ARHGAP15: variants seen among roughly 807,000 people sequenced by gnomAD.
The protein encoded by ARHGAP15 is rho GTPase-activating protein 15.
ARHGAP15 carries 51 observed loss-of-function variants against 63.7 expected under a neutral mutation model. The observed-to-expected ratio is 0.80, with a 90% CI of 0.64 to 1.01. ARHGAP15 has a LOEUF of 1.01. Among genes scored for constraint, ARHGAP15 ranks in the 50% least tolerant of loss-of-function variants. The probability of loss-of-function intolerance (pLI) is 0.00; values close to 1 mark genes in which losing one functional copy is unlikely to be tolerated. For synonymous variants in ARHGAP15, 191 were observed against 193.8 expected (o/e 0.99, Z 0.12); for missense variants, 560 against 564.6 (o/e 0.99, Z 0.08).
At chr2:143,638,669 T>TAAAA (rs1680457029) in intron 12 of ARHGAP15, among the ~76,000 whole-genome samples, 1 of 70,262 alleles carries the variant, frequency 1.4e-5, no homozygotes, top group Non-Finnish European at 3.0e-5. Flanking sequence ...AATAAATAAA[T>TAAAA]AAAAGAAAAA....
At chr2:143,468,589 A>C (rs1691353286) in intron 8 of ARHGAP15, among the ~76,000 whole-genome samples, 2 of 151,900 alleles carry the variant, frequency 1.3e-5, no homozygotes, top group Non-Finnish European at 2.9e-5. Flanking sequence ...AGATTATAGC[A>C]CAATATAACT....
At chr2:143,453,805 A>G (rs1009351851) in intron 8 of ARHGAP15, among the ~76,000 whole-genome samples, 2 of 151,922 alleles carry the variant, frequency 1.3e-5, no homozygotes, top group African/African-American at 4.8e-5. Flanking sequence ...ATCGGAAAAA[A>G]AAAAAAAGAT....
intron 11 of ARHGAP15, chr2:143,608,291 G>A (rs1285424982): frequency 6.6e-6 from 1 of 152,168 alleles, no homozygotes; most frequent in East Asian, 1.9e-4. Context: ...GTACTTGGTG[G>A]GGGACTGGGA....
chr2:143,187,452 G>A (rs777789478), intron 2 of ARHGAP15, among the ~76,000 whole-genome samples: 56 of 152,170 alleles, frequency 3.7e-4, no homozygotes, highest in Non-Finnish European at 6.3e-4. Flanking sequence ...GGGTTCCTTC[G>A]ATGATAATAC....
intron 8 of ARHGAP15, 160 bp downstream of exon 8, chr2:143,437,202 G>A: frequency 1.4e-6 from 1 of 731,854 alleles, no homozygotes; most frequent in Middle Eastern, 4.1e-4. Flanking sequence ...GGCAGTCTGG[G>A]CACTTTGCTC....
At chr2:143,542,658 T>TGA (rs1559040200) in intron 10 of ARHGAP15, among the ~76,000 whole-genome samples, 3 of 130,114 alleles carry the variant, frequency 2.3e-5, no homozygotes, top group East Asian at 3.9e-4. Context: ...ATGATATATA[T>TGA]TATATATATG....
chr2:143,747,041 G>T (rs907597992), intron 13 of ARHGAP15, among the ~76,000 whole-genome samples: 2 of 151,824 alleles, frequency 1.3e-5, no homozygotes, highest in Non-Finnish European at 2.9e-5. Context: ...CCAGATTTAG[G>T]TTTAAAAAAC....
intron 13 of ARHGAP15, among the ~76,000 whole-genome samples, chr2:143,718,883 G>A (rs1684925654): frequency 1.3e-5 from 2 of 152,178 alleles, no homozygotes; most frequent in South Asian, 2.1e-4. Flanking sequence ...CTAGGATCTG[G>A]AAGCTTCCCT....
At chr2:143,550,948 C>T (rs529982528) in intron 10 of ARHGAP15, among the ~76,000 whole-genome samples, 91 of 152,112 alleles carry the variant, frequency 6.0e-4, no homozygotes, top group Non-Finnish European at 1.1e-3. Context: ...CTTTGTTTTC[C>T]ATAGCTCAGA....
At position 143,748,937 on chromosome 2, in the gene ARHGAP15, A is replaced by G. The variant is rs573264484; in HGVS notation, c.1245-19052A>G. Among the ~76,000 whole-genome samples the G allele has an allele frequency of 5.9e-5, 9 of 152,260 alleles. No homozygotes were observed. The East Asian group carries it at 1.7e-3, about 29-fold the overall frequency. On this transcript the variant is annotated intron_variant, in intron 13 of 13. Transcript: ENST00000295095. Reference sequence around the variant, plus strand: ...ATGATTTCCCCCAAAACATCTTGTCACTAAGGCAAAGTATATCATAGAATA... The same window carrying G: ...ATGATTTCCCCCAAAACATCTTGTCGCTAAGGCAAAGTATATCATAGAATA...
At chr2:143,371,649 T>C (rs556867468) in intron 6 of ARHGAP15, among the ~76,000 whole-genome samples, 1 of 152,334 alleles carries the variant, frequency 6.6e-6, no homozygotes, top group Admixed American at 6.5e-5. Flanking sequence ...CTTTTTTCTT[T>C]TTCGAGGCTA....
chr2:143,539,671 T>C (rs1446032368), intron 10 of ARHGAP15, among the ~76,000 whole-genome samples: 1 of 152,208 alleles, frequency 6.6e-6, no homozygotes, highest in Non-Finnish European at 1.5e-5. Flanking sequence ...TTGTTCAGTT[T>C]CCATGTAGTT....
At chr2:143,711,834 C>T (rs1193409234) in intron 13 of ARHGAP15, among the ~76,000 whole-genome samples, 1 of 152,114 alleles carries the variant, frequency 6.6e-6, no homozygotes, top group South Asian at 2.1e-4. Flanking sequence ...GTGGCTGAGA[C>T]AGGAAGATCA....
chr2:143,300,126 A>C (rs375716113), intron 6 of ARHGAP15, among the ~76,000 whole-genome samples: 2 of 152,038 alleles, frequency 1.3e-5, no homozygotes, highest in African/African-American at 4.8e-5. Context: ...AAAGGGGCAT[A>C]AAGTCTGGGA....
chr2:143,377,777 TC>T (rs1686881392), intron 6 of ARHGAP15, among the ~76,000 whole-genome samples: 1 of 152,128 alleles, frequency 6.6e-6, no homozygotes, highest in Non-Finnish European at 1.5e-5. Flanking sequence ...ACTTTTTTGT[TC>T]CTGATTGAGT....
intron 6 of ARHGAP15, among the ~76,000 whole-genome samples, chr2:143,373,925 T>A (rs990581527): frequency 2.0e-5 from 3 of 152,140 alleles, no homozygotes; most frequent in African/African-American, 7.2e-5. Flanking sequence ...AAATCCCAAA[T>A]ACATGAAACA....
rs192526255 is a variant in ARHGAP15, at chr2:143,204,010, G to A, written c.234+1808G>A. 2.0e-5 allele frequency among the ~76,000 whole-genome samples: 3 copies of A among 152,164 alleles called. No homozygotes were observed. The East Asian group carries it at 5.8e-4, about 29-fold the overall frequency. On this transcript the variant is annotated intron_variant, in intron 3 of 13. Transcript: ENST00000295095. ...TTCACAAGTCTTCTCCATTTCACAAGATGGAGAAGCACCTCCAGGTGCTTC... is the reference window on the plus strand; with the variant it reads ...TTCACAAGTCTTCTCCATTTCACAAAATGGAGAAGCACCTCCAGGTGCTTC...
intron 6 of ARHGAP15, among the ~76,000 whole-genome samples, chr2:143,426,182 A>G (rs1689130610): frequency 6.6e-6 from 1 of 152,140 alleles, no homozygotes; most frequent in Non-Finnish European, 1.5e-5. Context: ...ATAGTTATAA[A>G]TCACACTTCT....
At chr2:143,429,773 C>T (rs1689301517) in intron 6 of ARHGAP15, among the ~76,000 whole-genome samples, 1 of 152,118 alleles carries the variant, frequency 6.6e-6, no homozygotes, top group African/African-American at 2.4e-5. Flanking sequence ...GTAATTATAA[C>T]ATAAGGTTCA....
Sources: allele counts gnomAD v4.1 joint callset (sites outside exome capture counted in the v4.1 genomes callset), GRCh38; gene constraint gnomAD v4.1.1; transcripts MANE v1.5; gene names NCBI Gene and HGNC (gene_info 2026-07-23, HGNC 2026-07-21).